Variants in TGFA observed in about 807,000 individuals in gnomAD.
The protein encoded by TGFA is protransforming growth factor alpha.
Under a neutral mutation model 21.7 loss-of-function variants are expected in TGFA, and 12 were observed. The ratio of observed to expected loss-of-function variants is 0.55; its 90% CI spans 0.35 to 0.90. The LOEUF is 0.90. Among genes scored for constraint, TGFA ranks in the 40% least tolerant of loss-of-function variants. The pLI is 0.01. For synonymous variants in TGFA, 79 were observed against 88.1 expected (o/e 0.90, Z 0.58); for missense variants, 178 against 210.8 (o/e 0.84, Z 0.96).
intron 1 of TGFA, among the ~76,000 whole-genome samples, chr2:70,529,716 T>C (rs1336328725): frequency 2.0e-5 from 3 of 152,122 alleles, no homozygotes; most frequent in Admixed American, 6.5e-5. Context: ...CTGGACTTTA[T>C]TCCAAGCTGG....
chr2:70,492,950 G>C (rs551106139), intron 2 of TGFA, among the ~76,000 whole-genome samples: 1 of 152,110 alleles, frequency 6.6e-6, no homozygotes, highest in African/African-American at 2.4e-5. Context: ...AATTCATTCT[G>C]ATTTTAAAAC....
Position 70,488,631 on chromosome 2 carries a change from C to A in TGFA, c.95-22895G>T, listed in dbSNP as rs560155705. ...GTCATCTTCCCTTGCCCCTACCCCT[C>A]ATTTTTTTGAAAACACTTTGAATAC... On this transcript the variant is annotated intron_variant, in intron 2 of 5. Coordinates refer to ENST00000295400, the MANE Select transcript of TGFA (RefSeq NM_003236.4). Among the ~76,000 whole-genome samples, 16 of 152,326 alleles carry A rather than the reference C, an allele frequency of 1.1e-4. No homozygotes were observed. The East Asian group carries it at 3.1e-3, about 29-fold the overall frequency.
intron 1 of TGFA, among the ~76,000 whole-genome samples, chr2:70,549,819 A>C (rs1673430661): frequency 6.6e-6 from 1 of 152,228 alleles, no homozygotes; most frequent in Non-Finnish European, 1.5e-5. Flanking sequence ...TCCCCTTTGC[A>C]GGGGACATTG....
At chr2:70,486,261 T>C (rs1473829592) in intron 2 of TGFA, among the ~76,000 whole-genome samples, 9 of 152,142 alleles carry the variant, frequency 5.9e-5, no homozygotes, top group African/African-American at 2.2e-4. Context: ...CAGTGGCCCT[T>C]AAGGGACGAA....
chr2:70,546,559 G>A (rs1362824127), intron 1 of TGFA, among the ~76,000 whole-genome samples: 2 of 152,092 alleles, frequency 1.3e-5, no homozygotes, highest in East Asian at 1.9e-4. Flanking sequence ...CTGCAACCTC[G>A]ACCTCCCAGG....
At chr2:70,553,105 CT>C in intron 1 of TGFA, 2 of 1,472,290 alleles carry the variant, frequency 1.4e-6, no homozygotes, top group South Asian at 2.5e-5. Context: ...CGCTCCTGCC[CT>C]CGGCGGACAC....
At chr2:70,526,461 C>A (rs1038599182) in intron 1 of TGFA, among the ~76,000 whole-genome samples, 4 of 152,132 alleles carry the variant, frequency 2.6e-5, no homozygotes, top group African/African-American at 7.2e-5. Context: ...TCTTACCAGC[C>A]ACGTGTAGCA....
At chr2:70,455,881 A>G (rs1670212456) in intron 4 of TGFA, among the ~76,000 whole-genome samples, 1 of 152,182 alleles carries the variant, frequency 6.6e-6, no homozygotes, top group African/African-American at 2.4e-5. Context: ...GACAAAGAGG[A>G]AGGGCTGTGC....
intron 1 of TGFA, among the ~76,000 whole-genome samples, chr2:70,550,051 C>T (rs1009715759): frequency 6.6e-6 from 1 of 152,228 alleles, no homozygotes; most frequent in Non-Finnish European, 1.5e-5. Flanking sequence ...AAAGAAACGT[C>T]TTCTTTCAGT....
chr2:70,488,879 AC>A (rs782246236), intron 2 of TGFA, among the ~76,000 whole-genome samples: 20 of 152,278 alleles, frequency 1.3e-4, no homozygotes, highest in Non-Finnish European at 1.8e-4. Context: ...CCTGCATACA[AC>A]CACCACTGCT....
At chr2:70,500,972 A>G (rs1184232692) in intron 2 of TGFA, among the ~76,000 whole-genome samples, 1 of 29,028 alleles carries the variant, frequency 3.4e-5, no homozygotes, top group Admixed American at 3.4e-4. Context: ...GCCATCTCCA[A>G]AAAAAAAAAA....
chr2:70,456,520 C>CTAT (rs1553490602), intron 3 of TGFA, 32 bp from the exon 4 acceptor site: 1 of 1,575,162 alleles, frequency 6.3e-7, no homozygotes, highest in Admixed American at 1.8e-5. Flanking sequence ...GTGCACTCTC[C>CTAT]TGACAAAAGG....
intron 2 of TGFA, among the ~76,000 whole-genome samples, chr2:70,470,894 T>C (rs1022800864): frequency 2.0e-5 from 3 of 152,218 alleles, no homozygotes; most frequent in Admixed American, 6.5e-5. Context: ...ACATTCACTC[T>C]TGAAACTTTT....
intron 2 of TGFA, among the ~76,000 whole-genome samples, chr2:70,478,183 G>A (rs1254419667): frequency 6.6e-6 from 1 of 152,168 alleles, no homozygotes; most frequent in Non-Finnish European, 1.5e-5. Context: ...TTGGGGTGAG[G>A]AGTGAGATCA....
intron 1 of TGFA, among the ~76,000 whole-genome samples, chr2:70,519,177 C>G (rs1329221440): frequency 6.6e-6 from 1 of 152,100 alleles, no homozygotes; most frequent in African/African-American, 2.4e-5. Flanking sequence ...TTCCCCCTTC[C>G]TCCCCTACCA....
chr2:70,458,357 A>G (rs782800639), intron 3 of TGFA, among the ~76,000 whole-genome samples: 1 of 151,982 alleles, frequency 6.6e-6, no homozygotes, highest in African/African-American at 2.4e-5. Context: ...TGGCTCTCCA[A>G]CCTTCCAGAT....
chr2:70,483,047 C>G (rs998099486), intron 2 of TGFA, among the ~76,000 whole-genome samples: 1 of 152,222 alleles, frequency 6.6e-6, no homozygotes, highest in Admixed American at 6.5e-5. Flanking sequence ...TTCTCACCAA[C>G]TAGCCAACTG....
intron 2 of TGFA, among the ~76,000 whole-genome samples, chr2:70,466,186 T>C (rs1256467919): frequency 6.6e-6 from 1 of 152,186 alleles, no homozygotes; most frequent in Non-Finnish European, 1.5e-5. Flanking sequence ...AAAAGGTGCT[T>C]ATGATATACA....
intron 1 of TGFA, among the ~76,000 whole-genome samples, chr2:70,534,117 G>C (rs1672902510): frequency 2.0e-5 from 3 of 152,182 alleles, no homozygotes; most frequent in Admixed American, 2.0e-4. Context: ...CAAAAATGCT[G>C]CCAGCTGAAT....
Sources: allele counts gnomAD v4.1 joint callset (sites outside exome capture counted in the v4.1 genomes callset), GRCh38; gene constraint gnomAD v4.1.1; transcripts MANE v1.5; gene names NCBI Gene and HGNC (gene_info 2026-07-23, HGNC 2026-07-21).